SAMSN1: variants seen among roughly 807,000 people sequenced by gnomAD.
SAMSN1 encodes the protein SAM domain-containing protein SAMSN-1.
In SAMSN1, 31 loss-of-function variants were observed where a neutral mutation model predicts 42.0. That is an observed-to-expected ratio of 0.74 (90% CI 0.55 to 1.00). The LOEUF is 1.00. Ranked by LOEUF, SAMSN1 falls within the 50% of genes least tolerant of loss-of-function variation. The probability of loss-of-function intolerance (pLI) is 0.00; values close to 1 mark genes in which losing one functional copy is unlikely to be tolerated. For missense variants in SAMSN1, 464 were observed against 439.4 expected (o/e 1.06, Z -0.50); for synonymous variants, 178 against 151.9 (o/e 1.17, Z -1.26).
intron 1 of SAMSN1, among the ~76,000 whole-genome samples, chr21:14,527,924 T>C (rs1978985449): frequency 6.6e-6 from 1 of 152,180 alleles, no homozygotes; most frequent in African/African-American, 2.4e-5. Flanking sequence ...CTGTAAGTCA[T>C]GCTACACTTC....
At chr21:14,553,670 GA>G (rs1980669939) in intron 2 of SAMSN1, among the ~76,000 whole-genome samples, 1 of 152,032 alleles carries the variant, frequency 6.6e-6, no homozygotes, top group Non-Finnish European at 1.5e-5. Flanking sequence ...ATATTGACTT[GA>G]AATCGAATTC....
At chr21:14,635,178 T>C (rs1983434370) in intron 2 of SAMSN1, among the ~76,000 whole-genome samples, 1 of 151,952 alleles carries the variant, frequency 6.6e-6, no homozygotes, top group Admixed American at 6.6e-5. Context: ...CCAGGGACTG[T>C]TAGGGGGCAA....
At chr21:14,513,978 C>T (rs765309260) in intron 3 of SAMSN1, among the ~76,000 whole-genome samples, 9 of 152,094 alleles carry the variant, frequency 5.9e-5, no homozygotes, top group South Asian at 2.1e-4. Context: ...TCTCTTGCTG[C>T]GGGACCCTTC....
chr21:14,515,730 A>G (rs1029207079), intron 3 of SAMSN1, among the ~76,000 whole-genome samples: 4 of 152,212 alleles, frequency 2.6e-5, no homozygotes, highest in African/African-American at 9.6e-5. Context: ...AATATATTAT[A>G]TTGCATGTCA....
chr21:14,488,666 G>A (rs983057109), intron 7 of SAMSN1, among the ~76,000 whole-genome samples: 33 of 152,170 alleles, frequency 2.2e-4, no homozygotes, highest in Admixed American at 8.5e-4. Context: ...TTCTAGGAAT[G>A]GTTTTGTTTT....
intron 7 of SAMSN1, 134 bp from the exon 8 acceptor site, chr21:14,486,248 T>C: frequency 1.6e-6 from 1 of 638,608 alleles, no homozygotes; most frequent in Non-Finnish European, 2.7e-6. Context: ...GTTCTGCAAG[T>C]AAAAGGTATC....
chr21:14,529,389 A>C (rs9976659), intron 1 of SAMSN1, among the ~76,000 whole-genome samples: 382 of 152,326 alleles, frequency 2.5e-3, no homozygotes, highest in African/African-American at 8.8e-3. Context: ...CAGATCCCAC[A>C]TTACTCTTCA....
rs552504235 is a variant in SAMSN1, at chr21:14,630,429, C to A, written c.156+12573G>T. Reference sequence around the variant, plus strand: ...TGATTAAAGAGATAACCATGGCTTTCATCAGATTCAATTAGTAGTTCTCCT... The same window carrying A: ...TGATTAAAGAGATAACCATGGCTTTAATCAGATTCAATTAGTAGTTCTCCT... On this transcript the variant is annotated intron_variant, in intron 2 of 15. Transcript: ENST00000647101. 4.7e-5 allele frequency among the ~76,000 whole-genome samples: 7 copies of A among 149,476 alleles called. No individual in the cohort carries two copies. In the South Asian group the frequency reaches 1.5e-3, roughly 32 times the overall value.
chr21:14,654,522 A>G (rs1234143444), intron 1 of SAMSN1, among the ~76,000 whole-genome samples: 2 of 152,044 alleles, frequency 1.3e-5, no homozygotes, highest in Non-Finnish European at 2.9e-5. Context: ...TGTCCTCTAC[A>G]TGAGGCAAAC....
intron 2 of SAMSN1, among the ~76,000 whole-genome samples, chr21:14,630,487 A>G (rs1203401172): frequency 2.0e-5 from 3 of 152,096 alleles, no homozygotes; most frequent in Non-Finnish European, 4.4e-5. Flanking sequence ...AGAACAGAGC[A>G]CAATTAACCT....
At chr21:14,521,337 A>G in intron 1 of SAMSN1, 116 bp from the exon 2 acceptor site, 2 of 636,546 alleles carry the variant, frequency 3.1e-6, no homozygotes, top group East Asian at 2.8e-5. Context: ...TACAGGCTTT[A>G]AAAAGCTCTT....
At chr21:14,594,503 C>A (rs964335572) in intron 6 of SAMSN1, among the ~76,000 whole-genome samples, 4 of 152,224 alleles carry the variant, frequency 2.6e-5, no homozygotes, top group Admixed American at 6.5e-5. Context: ...ATTAGGTACA[C>A]AATGGACATC....
chr21:14,651,212 C>A (rs1346021699), intron 1 of SAMSN1, among the ~76,000 whole-genome samples: 1 of 151,234 alleles, frequency 6.6e-6, no homozygotes, highest in African/African-American at 2.4e-5. Context: ...CAAAACCAGA[C>A]AAAGACACAT....
chr21:14,619,739 G>A, intron 2 of SAMSN1: 3 of 244,510 alleles, frequency 1.2e-5, no homozygotes, highest in Non-Finnish European at 2.8e-5. Flanking sequence ...GTTTTATGTG[G>A]CATAAACCTT....
At chr21:14,607,015 A>AAAT (rs1246572948) in intron 5 of SAMSN1, among the ~76,000 whole-genome samples, 1 of 152,220 alleles carries the variant, frequency 6.6e-6, no homozygotes, top group Non-Finnish European at 1.5e-5. Flanking sequence ...AAATTGAGGA[A>AAAT]AATTACTTTT....
intron 1 of SAMSN1, among the ~76,000 whole-genome samples, chr21:14,646,938 A>G (rs1206246802): frequency 2.6e-5 from 4 of 152,270 alleles, no homozygotes; most frequent in Non-Finnish European, 5.9e-5. Context: ...TTAAAAAGCA[A>G]GAAACTAAAC....
chr21:14,627,590 G>A (rs1404400427), intron 2 of SAMSN1, among the ~76,000 whole-genome samples: 1 of 152,130 alleles, frequency 6.6e-6, no homozygotes, highest in Non-Finnish European at 1.5e-5. Flanking sequence ...ACTTTGAAAG[G>A]TGGTTCTACA....
intron 6 of SAMSN1, among the ~76,000 whole-genome samples, chr21:14,595,693 A>C (rs977921227): frequency 6.6e-6 from 1 of 152,320 alleles, no homozygotes; most frequent in South Asian, 2.1e-4. Flanking sequence ...TTTAAAGTCC[A>C]GTGTTTTTAC....
At chr21:14,486,958 G>A (rs1393871325) in intron 7 of SAMSN1, among the ~76,000 whole-genome samples, 3 of 152,210 alleles carry the variant, frequency 2.0e-5, no homozygotes, top group East Asian at 3.9e-4. Context: ...TACTCTTCTC[G>A]ATTCCTTTAG....
Sources: allele counts gnomAD v4.1 joint callset (sites outside exome capture counted in the v4.1 genomes callset), GRCh38; gene constraint gnomAD v4.1.1; transcripts MANE v1.5; gene names NCBI Gene and HGNC (gene_info 2026-07-23, HGNC 2026-07-21).